Variants in ABI2 observed in about 807,000 individuals in gnomAD.
ABI2 encodes abl interactor 2, also known as abelson interactor 2.
ABI2 carries 25 observed loss-of-function variants against 59.2 expected under a neutral mutation model. The ratio of observed to expected loss-of-function variants is 0.42; its 90% CI spans 0.31 to 0.59. ABI2 has a LOEUF of 0.59. Ranked by LOEUF, ABI2 falls within the 20% of genes least tolerant of loss-of-function variation. The probability of loss-of-function intolerance (pLI) is 0.14; values close to 1 mark genes in which losing one functional copy is unlikely to be tolerated. For synonymous variants in ABI2, 213 were observed against 235.5 expected (o/e 0.90, Z 0.87); for missense variants, 545 against 681.8 (o/e 0.80, Z 2.23).
chr2:203,394,873 G>A (rs757585780), intron 6 of ABI2, 27 bp downstream of exon 6: 4 of 1,611,348 alleles, frequency 2.5e-6, no homozygotes, highest in Admixed American at 3.3e-5. Flanking sequence ...AGTGCAAAAT[G>A]TGATGGTCAT....
intron 5 of ABI2, among the ~76,000 whole-genome samples, chr2:203,393,671 A>C (rs2096861479): frequency 6.6e-6 from 1 of 152,220 alleles, no homozygotes; most frequent in Admixed American, 6.5e-5. Flanking sequence ...CAGGAAAGCA[A>C]TAGTTAAAGG....
rs767710044 is a variant in ABI2 at position 203,417,031 on chromosome 2, C to T, written c.1403C>T (p.Pro468Leu). 2.5e-6 allele frequency: 4 copies of T among 1,613,854 alleles called. No individual in the cohort carries two copies. Among genetic ancestry groups the T allele is most frequent in the East Asian group, 2.2e-5 (1 of 44,874 alleles). ...GCTGCTGTGGTTGAGTATAGTGATC[C>T]TTATGCTGAAGAGGACCCACCGTGG... The part of the protein sequence containing the change: ...EEAAVVEYSD[P>L]YAEEDPPWAP... Residue 468 changes from proline (P) to leucine (L), a missense_variant, in exon 11 of 12, where the codon CCT becomes CTT. Physicochemically the swap from Pro to Leu is moderately conservative, Grantham distance 98. Coordinates refer to ENST00000261018, the MANE Select transcript of ABI2 (RefSeq NM_001375670.1).
At chr2:203,396,989 G>T in intron 8 of ABI2, 22 bp downstream of exon 8, 2 of 1,397,648 alleles carry the variant, frequency 1.4e-6, no homozygotes, top group Non-Finnish European at 1.9e-6. Context: ...CTTATTCATT[G>T]GCAGGCAGAT....
rs2072478119 is a variant in ABI2, at chr2:203,330,474, G to T, written c.117+1843G>T. 2.6e-5 allele frequency among the ~76,000 whole-genome samples: 4 copies of T among 152,000 alleles called. No individual in the cohort carries two copies. The South Asian group carries it at 8.3e-4, about 32-fold the overall frequency. ...TTTTATGGCCTAGAACTGTGTGAGG[G>T]GTGGATGGTACATACCTAGTAGGAG... On this transcript the variant is annotated intron_variant, in intron 1 of 11. Transcript: ENST00000261018.
Position 203,395,760 on chromosome 2 carries a change from C to T in ABI2, c.830C>T (p.Ser277Phe), listed in dbSNP as rs770144700. The change falls in exon 7 of 12, where the codon TCT (serine) becomes TTT (phenylalanine). Residue 277 changes from serine (S) to phenylalanine (F), a missense_variant. This residue lies in a region of ABI2 where 410 missense variants were observed against 435.6 expected (regional missense o/e 0.94). Transcript: ENST00000261018. ...GTTCCTATTGCTGTTCCTACTCCAT[C>T]TCCTCCCAGTGTCTTTCCAGGTAAA... ...VGVPIAVPTP[S>F]PPSVFPAPAG... is the part of the protein sequence containing the mutation. The T allele has an allele frequency of 6.2e-7, 1 of 1,602,210 alleles. No homozygotes were observed. The highest frequency in any genetic ancestry group is 2.3e-5 in the East Asian group (1 of 43,938).
intron 2 of ABI2, among the ~76,000 whole-genome samples, chr2:203,375,080 C>G (rs113117670): frequency 1.3e-5 from 2 of 152,124 alleles, no homozygotes; most frequent in Non-Finnish European, 2.9e-5. Flanking sequence ...CCTTAAGGAA[C>G]CTGGGTTTGG....
At chr2:203,388,784 A>T (rs1217929578) in intron 4 of ABI2, among the ~76,000 whole-genome samples, 1 of 152,132 alleles carries the variant, frequency 6.6e-6, no homozygotes, top group African/African-American at 2.4e-5. Flanking sequence ...CCAAAGACTT[A>T]CAGAAGATAC....
intron 2 of ABI2, among the ~76,000 whole-genome samples, chr2:203,379,587 T>C (rs1227050254): frequency 1.3e-5 from 2 of 152,222 alleles, no homozygotes; most frequent in Non-Finnish European, 2.9e-5. Context: ...AATAAAAAGA[T>C]GTTTAAACAT....
intron 1 of ABI2, among the ~76,000 whole-genome samples, chr2:203,329,409 C>T (rs1404069215): frequency 8.0e-6 from 1 of 125,142 alleles, no homozygotes; most frequent in Non-Finnish European, 1.6e-5. Context: ...GTGGTAGGGG[C>T]GTGTGTATGG....
At chr2:203,340,481 C>G (rs2079191291) in intron 1 of ABI2, among the ~76,000 whole-genome samples, 1 of 152,008 alleles carries the variant, frequency 6.6e-6, no homozygotes, top group South Asian at 2.1e-4. Context: ...ATGCTCCCAC[C>G]TTAGCCTTCC....
At chr2:203,348,907 GT>G (rs985094338) in intron 1 of ABI2, among the ~76,000 whole-genome samples, 1 of 150,188 alleles carries the variant, frequency 6.7e-6, no homozygotes, top group Non-Finnish European at 1.5e-5. Context: ...TGCTGAAGGT[GT>G]TTTTTTTTGT....
chr2:203,415,272 A>G (rs150160734), intron 10 of ABI2, among the ~76,000 whole-genome samples: 1 of 152,308 alleles, frequency 6.6e-6, no homozygotes, highest in African/African-American at 2.4e-5. Context: ...TACTGATAAG[A>G]CAGCATGGTG....
Position 203,416,969 on chromosome 2 carries a change from A to ACCT in ABI2, c.1353_1355dup (p.Pro452dup), listed in dbSNP as rs759463740. 168 of 1,613,554 alleles carry ACCT rather than the reference A, an allele frequency of 1.0e-4. No individual in the cohort carries two copies. The highest frequency in any genetic ancestry group is 5.1e-4 in the African/African-American group (38 of 74,872). ...AACCAGTCTTTGATGAGTCTCCCCC[A>ACCT]CCTCCTCCTCCTCCAGAAGATTACG... On this transcript the variant is annotated inframe_insertion, in exon 11 of 12. Coordinates refer to ENST00000261018, the MANE Select transcript of ABI2 (RefSeq NM_001375670.1).
chr2:203,328,826 T>C (rs1458627833), intron 1 of ABI2, 195 bp downstream of exon 1: 2 of 381,422 alleles, frequency 5.2e-6, no homozygotes, highest in Admixed American at 9.3e-5. Context: ...TAAAAACCTT[T>C]AAAAAAGCGG....
intron 4 of ABI2, among the ~76,000 whole-genome samples, 170 bp downstream of exon 4, chr2:203,382,376 G>A (rs749482719): frequency 6.6e-6 from 1 of 152,060 alleles, no homozygotes; most frequent in African/African-American, 2.4e-5. Flanking sequence ...TGTTCCTTGA[G>A]GGCAGATATT....
At chr2:203,416,714 G>C (rs2097908431) in intron 10 of ABI2, among the ~76,000 whole-genome samples, 194 bp from the exon 11 acceptor site, 2 of 152,194 alleles carry the variant, frequency 1.3e-5, no homozygotes, top group African/African-American at 4.8e-5. Flanking sequence ...AAGGGCAAGA[G>C]AGGGAGAACG....
intron 9 of ABI2, among the ~76,000 whole-genome samples, 171 bp downstream of exon 9, chr2:203,402,905 A>T (rs1381502289): frequency 6.6e-6 from 1 of 151,850 alleles, no homozygotes. Flanking sequence ...TCAATTCTTT[A>T]AAAAAAAATC....
At chr2:203,389,681 T>G (rs2153323435) in intron 4 of ABI2, among the ~76,000 whole-genome samples, 1 of 152,340 alleles carries the variant, frequency 6.6e-6, no homozygotes. Context: ...CAAAATATGT[T>G]TTGAAGATGG....
chr2:203,380,666 A>G (rs554396626), intron 3 of ABI2, among the ~76,000 whole-genome samples: 1 of 152,266 alleles, frequency 6.6e-6, no homozygotes, highest in East Asian at 1.9e-4. Flanking sequence ...AATCTTTCCA[A>G]TTTTAATTTA....
Sources: allele counts gnomAD v4.1 joint callset (sites outside exome capture counted in the v4.1 genomes callset), GRCh38; gene constraint gnomAD v4.1.1; regional missense constraint gnomAD v4.1.1; transcripts MANE v1.5; gene names NCBI Gene and HGNC (gene_info 2026-07-23, HGNC 2026-07-21).